The following AMDHD2 variants were observed in gnomAD, a reference collection of about 807,000 sequenced individuals.
AMDHD2 encodes the protein amidohydrolase domain containing 2.
In AMDHD2, 24 loss-of-function variants were observed where a neutral mutation model predicts 41.8. The observed-to-expected ratio is 0.57, with a 90% CI of 0.42 to 0.81. The LOEUF is 0.81. Among genes scored for constraint, AMDHD2 ranks in the 30% least tolerant of loss-of-function variants. The pLI, the probability that AMDHD2 is intolerant of heterozygous loss-of-function variation, is 0.00. For missense variants in AMDHD2, 540 were observed against 588.5 expected, an observed-to-expected ratio of 0.92 and a Z score of 0.85; for synonymous variants, 332 against 255.5, an observed-to-expected ratio of 1.30 and a Z score of -2.85.
At position 2,527,638 on chromosome 16, in the gene AMDHD2, G is replaced by T; in HGVS notation, c.415+23G>T. The T allele has an allele frequency of 5.0e-6, 8 of 1,602,892 alleles. No individual in the cohort carries two copies. Among genetic ancestry groups the T allele is most frequent in the Non-Finnish European group, 6.0e-6 (7 of 1,175,772 alleles). On this transcript the variant is annotated intron_variant, in intron 4 of 10. Coordinates refer to ENST00000293971, the MANE Select transcript of AMDHD2 (RefSeq NM_001330449.2). The surrounding 1 kb of genome is among the most constrained non-coding windows in gnomAD (Gnocchi z 6.1). ...TCGGTGAGTGGCTGACCTCCTCCCCGCCCCCACCCTGGGAGGCTCCTGCGG... is the reference window on the plus strand; with the variant it reads ...TCGGTGAGTGGCTGACCTCCTCCCCTCCCCCACCCTGGGAGGCTCCTGCGG...
Position 2,527,746 on chromosome 16 carries a change from C to G in AMDHD2, c.416-27C>G. On this transcript the variant is annotated intron_variant, in intron 4 of 10. Coordinates refer to ENST00000293971, the MANE Select transcript of AMDHD2 (RefSeq NM_001330449.2). This position sits in a 1 kb window ranked among gnomAD's most constrained non-coding sequence, Gnocchi z 6.1. ...AAGGGCTGGGTGGGGCAGGGACCTG[C>G]TGGAGCCACTTGCTCCCTCCTCCCA... 6.4e-7 allele frequency: 1 copy of G among 1,555,476 alleles called. No homozygotes were observed. Among genetic ancestry groups the G allele is most frequent in the Non-Finnish European group, 8.7e-7 (1 of 1,153,706 alleles).
At position 2,527,643 on chromosome 16, in the gene AMDHD2, C is replaced by T. The variant is rs202215752; in HGVS notation, c.415+28C>T. 131 of 1,600,344 alleles carry T rather than the reference C, an allele frequency of 8.2e-5. No individual in the cohort carries two copies. The East Asian group carries it at 2.2e-3, about 27-fold the overall frequency. On this transcript the variant is annotated intron_variant, in intron 4 of 10. Transcript: ENST00000293971. The surrounding 1 kb of genome is among the most constrained non-coding windows in gnomAD (Gnocchi z 6.1). ...GAGTGGCTGACCTCCTCCCCGCCCC[C>T]ACCCTGGGAGGCTCCTGCGGGACCT...
rs1301077693 is a variant in AMDHD2 at position 2,530,294 on chromosome 16, C to T, written c.*731C>T. On this transcript the variant is annotated 3_prime_UTR_variant, in exon 11 of 11. Transcript: ENST00000293971. ...CCGGCTGTGGTGACCCTGCCTGGTG[C>T]TGGAGGGCAGTATGGGAGGCACCAG... The T allele has an allele frequency of 1.2e-6, 2 of 1,613,834 alleles. No individual in the cohort carries two copies. Among genetic ancestry groups the T allele is most frequent in the East Asian group, 2.2e-5 (1 of 44,882 alleles).
At chr16:2,521,564 G>A (rs2065937739) in intron 3 of AMDHD2, among the ~76,000 whole-genome samples, 1 of 152,148 alleles carries the variant, frequency 6.6e-6, no homozygotes. Flanking sequence ...CCCTGCTCCT[G>A]TACTGCTTGC....
At position 2,530,353 on chromosome 16, in the gene AMDHD2, C is replaced by T. The variant is rs2066071487; in HGVS notation, c.*790C>T. ...GCTCACCCCATTAGTGTCATCCTGCCATCTTCTGTGTCCCCTTGGCCCTGG... is the reference window on the plus strand; with the variant it reads ...GCTCACCCCATTAGTGTCATCCTGCTATCTTCTGTGTCCCCTTGGCCCTGG... On this transcript the variant is annotated 3_prime_UTR_variant, in exon 11 of 11. Transcript: ENST00000293971. The T allele has an allele frequency of 6.2e-7, 1 of 1,614,072 alleles. No individual in the cohort carries two copies. Among genetic ancestry groups the T allele is most frequent in the African/African-American group, 1.3e-5 (1 of 74,942 alleles).
At position 2,529,072 on chromosome 16, in the gene AMDHD2, C is replaced by T. The variant is rs1409204763; in HGVS notation, c.1118C>T (p.Thr373Ile). Residue 373 changes from threonine to isoleucine, a missense_variant, in exon 10 of 11, where the codon ACC becomes ATC. Physicochemically the swap from Thr to Ile is moderately conservative, Grantham distance 89. Transcript: ENST00000293971. ...CTGGGGCTGGAGAAGAGTAAGGGGA[C>T]CCTGGACTTTGGTGCTGACGCAGGT... ...QLLGLEKSKG[T>I]LDFGADADFV... is the part of the protein sequence containing the mutation. 3.8e-6 allele frequency: 6 copies of T among 1,594,282 alleles called. No individual in the cohort carries two copies. The highest frequency in any genetic ancestry group is 1.7e-4 in the Middle Eastern group (1 of 5,734).
In AMDHD2 at chr16:2,531,186, C is replaced by T. The variant is rs778148949; in HGVS notation, c.*1623C>T. 1.5e-5 allele frequency: 20 copies of T among 1,353,646 alleles called. No individual in the cohort carries two copies. Among genetic ancestry groups the T allele is most frequent in the Admixed American group, 7.7e-5 (3 of 38,792 alleles). 83.9% of individuals were successfully genotyped at this position (1,353,646 alleles called of 1,614,324 possible). On this transcript the variant is annotated 3_prime_UTR_variant, in exon 11 of 11. Transcript: ENST00000293971. ...TTTGGGCCTGGCCTGCCCCATTCACCGGCCAGCGCCCCACCTCCCTGGCTG... is the reference window on the plus strand; with the variant it reads ...TTTGGGCCTGGCCTGCCCCATTCACTGGCCAGCGCCCCACCTCCCTGGCTG...
At chr16:2,525,397 G>A (rs1246171241) in intron 3 of AMDHD2, among the ~76,000 whole-genome samples, 1 of 135,558 alleles carries the variant, frequency 7.4e-6, no homozygotes, top group African/African-American at 2.9e-5. Context: ...ATGGAGTTTC[G>A]CTCTTGTTGC....
intron 3 of AMDHD2, among the ~76,000 whole-genome samples, chr16:2,526,071 C>T (rs1212375626): frequency 6.6e-6 from 1 of 152,204 alleles, no homozygotes; most frequent in Non-Finnish European, 1.5e-5. Flanking sequence ...TTTCCCTGTC[C>T]ATCTCTCCTC....
intron 10 of AMDHD2, 71 bp downstream of exon 10, chr16:2,529,166 T>G: frequency 1.4e-6 from 2 of 1,401,928 alleles, no homozygotes; most frequent in South Asian, 2.9e-5. Flanking sequence ...TGGGGCGGCC[T>G]GGACAGGGCC....
intron 3 of AMDHD2, among the ~76,000 whole-genome samples, chr16:2,521,960 A>AT (rs1404811883): frequency 6.7e-6 from 1 of 150,362 alleles, no homozygotes; most frequent in Admixed American, 6.6e-5. Flanking sequence ...AATTTTTTGT[A>AT]TTTTTCGTAG....
At position 2,530,870 on chromosome 16, in the gene AMDHD2, T is replaced by C. The variant is rs773108906; in HGVS notation, c.*1307T>C. 87 of 1,613,326 alleles carry C rather than the reference T, an allele frequency of 5.4e-5. No individual in the cohort carries two copies. Among genetic ancestry groups the C allele is most frequent in the Non-Finnish European group, 7.2e-5 (85 of 1,179,964 alleles). On this transcript the variant is annotated 3_prime_UTR_variant, in exon 11 of 11. Coordinates refer to ENST00000293971, the MANE Select transcript of AMDHD2 (RefSeq NM_001330449.2). ...TCCTGACCTCCTGAGAGGTGTGAGGTGCAGGGATACCCACCTCTGCCTTGA... is the reference window on the plus strand; with the variant it reads ...TCCTGACCTCCTGAGAGGTGTGAGGCGCAGGGATACCCACCTCTGCCTTGA...
At chr16:2,525,670 A>G (rs1458463372) in intron 3 of AMDHD2, among the ~76,000 whole-genome samples, 3 of 151,970 alleles carry the variant, frequency 2.0e-5, no homozygotes, top group African/African-American at 7.3e-5. Context: ...TCAGCCTCCC[A>G]GGTAGCTGGG....
At position 2,528,158 on chromosome 16, in the gene AMDHD2, A is replaced by G. The variant is rs370147324; in HGVS notation, c.717+10A>G. ...CAACGCCATGCTGCCTGTGAGTGCT[A>G]TGGGGCCCCAGGGGCGGGGCTGGGG... On this transcript the variant is annotated intron_variant, in intron 6 of 10. Transcript: ENST00000293971. 4.3e-6 allele frequency: 7 copies of G among 1,612,648 alleles called. No individual in the cohort carries two copies. In the Admixed American group the frequency reaches 5.0e-5, roughly 12 times the overall value.
At position 2,530,954 on chromosome 16, in the gene AMDHD2, A is replaced by G. The variant is rs1424353178; in HGVS notation, c.*1391A>G. 2.5e-6 allele frequency: 4 copies of G among 1,613,260 alleles called. No individual in the cohort carries two copies. Among genetic ancestry groups the G allele is most frequent in the South Asian group, 1.1e-5 (1 of 91,072 alleles). On this transcript the variant is annotated 3_prime_UTR_variant, in exon 11 of 11. Transcript: ENST00000293971. The stretch of plus-strand genomic sequence containing the variant: ...CGCCTGCCTGTGCTGGGCCTGGGAG[A>G]GGAGCTGTCTTGCCAGGGCTCCCAG...
At position 2,529,073 on chromosome 16, in the gene AMDHD2, C is replaced by G. The variant is rs770368786; in HGVS notation, c.1119C>G (p.Thr373=). 5 of 1,593,976 alleles carry G rather than the reference C, an allele frequency of 3.1e-6. No individual in the cohort carries two copies. The highest frequency in any genetic ancestry group is 1.8e-5 in the Admixed American group (1 of 56,870). The change falls in exon 10 of 11, where the codon ACC becomes ACG. Residue 373 remains threonine (T), a synonymous_variant. Coordinates refer to ENST00000293971, the MANE Select transcript of AMDHD2 (RefSeq NM_001330449.2). ...TGGGGCTGGAGAAGAGTAAGGGGACCCTGGACTTTGGTGCTGACGCAGGTG... is the reference window on the plus strand; with the variant it reads ...TGGGGCTGGAGAAGAGTAAGGGGACGCTGGACTTTGGTGCTGACGCAGGTG... The part of the protein sequence containing the change: ...QLLGLEKSKG[T]LDFGADADFV...
At chr16:2,523,332 A>G (rs1399800974) in intron 3 of AMDHD2, among the ~76,000 whole-genome samples, 5 of 152,080 alleles carry the variant, frequency 3.3e-5, no homozygotes, top group Non-Finnish European at 1.5e-5. Context: ...TATATGCCCA[A>G]GGGGTCCCTC....
rs1472139783 is a variant in AMDHD2, at chr16:2,531,245, T to C, written c.*1682T>C. 3.7e-6 allele frequency: 3 copies of C among 816,240 alleles called. No individual in the cohort carries two copies. The highest frequency in any genetic ancestry group is 5.7e-6 in the Non-Finnish European group (3 of 521,812). The allele number at this position is 816,240 out of a possible 1,614,324, so 50.6% of individuals were successfully genotyped here. On this transcript the variant is annotated 3_prime_UTR_variant, in exon 11 of 11. Transcript: ENST00000293971. ...GGGAGGGGCTGGCAGAGATGGTTGG[T>C]CCACAGGGCTAGCCCTGGGTGGTGG...
chr16:2,522,202 G>T (rs1470881575), intron 3 of AMDHD2, among the ~76,000 whole-genome samples: 1 of 152,164 alleles, frequency 6.6e-6, no homozygotes, highest in Non-Finnish European at 1.5e-5. Flanking sequence ...TCTTGCTTCA[G>T]CCTCTTGAGT....
Sources: gnomAD v4.1 joint callset for allele counts (sites outside exome capture counted in the v4.1 genomes callset) on GRCh38, gnomAD v4.1.1 for gene constraint, Gnocchi (gnomAD v3.1) non-coding constraint, MANE v1.5 for transcripts, NCBI Gene and HGNC (gene_info 2026-07-23, HGNC 2026-07-21) for gene names.